Variants in KCNC4 observed in about 807,000 individuals in gnomAD.
KCNC4 encodes voltage-gated potassium channel KCNC4.
Under a neutral mutation model 42.8 loss-of-function variants are expected in KCNC4, and 23 were observed. The observed-to-expected ratio is 0.54, with a 90% confidence interval of 0.39 to 0.76. KCNC4 has a LOEUF of 0.76. Among genes scored for constraint, KCNC4 ranks in the 30% least tolerant of loss-of-function variants. The pLI is 0.00. For missense variants in KCNC4, 751 were observed against 898.2 expected (o/e 0.84, Z 2.10); for synonymous variants, 422 against 393.5 (o/e 1.07, Z -0.86).
chr1:110,225,734 C>T (rs1159334216), intron 2 of KCNC4: 2 of 512,358 alleles, frequency 3.9e-6, no homozygotes, highest in African/African-American at 3.8e-5. Context: ...TGCACTGTGG[C>T]TTCATCCCTG....
At chr1:110,259,859 G>A (rs1023946618) in intron 1 of KCNC4, among the ~76,000 whole-genome samples, 2 of 152,230 alleles carry the variant, frequency 1.3e-5, no homozygotes, top group African/African-American at 2.4e-5. Context: ...ACAATTTTAA[G>A]TGATGCCTAA....
At chr1:110,238,547 C>T (rs1313218393), downstream of KCNC4, 1 of 152,182 alleles carries the variant, frequency 6.6e-6, no homozygotes, top group Admixed American at 6.5e-5. Context: ...GCATCTCTGT[C>T]CCAGGTACTG....
intron 1 of KCNC4, among the ~76,000 whole-genome samples, chr1:110,218,062 G>A (rs1410230725): frequency 6.6e-6 from 1 of 151,812 alleles, no homozygotes; most frequent in Non-Finnish European, 1.5e-5. Context: ...TAGGTTTTTG[G>A]GCCTGAGTCT....
At chr1:110,212,431 C>T (rs149474745) in intron 1 of KCNC4, among the ~76,000 whole-genome samples, 265 of 152,310 alleles carry the variant, frequency 1.7e-3, no homozygotes, top group African/African-American at 6.0e-3. Context: ...GCCTGCTTTG[C>T]CGCATCCCCT....
chr1:110,221,834 G>A (rs1658110021), intron 1 of KCNC4: 1 of 152,282 alleles, frequency 6.6e-6, no homozygotes, highest in South Asian at 2.1e-4. Context: ...CAGGAGGCAT[G>A]AGACTGGACC....
chr1:110,275,758 A>T (rs1278982926), intron 1 of KCNC4, among the ~76,000 whole-genome samples: 2 of 152,162 alleles, frequency 1.3e-5, no homozygotes, highest in South Asian at 4.1e-4. Flanking sequence ...GGAGATCGAG[A>T]CCATTCTGGC....
At chr1:110,247,399 G>C (rs1396282241) in exon 4 of KCNC4, 2 of 152,440 alleles carry the variant, frequency 1.3e-5, no homozygotes. Flanking sequence ...TTGTAGAGAT[G>C]GGGTCTTGCC....
At chr1:110,214,191 C>A (rs1447750509) in intron 1 of KCNC4, among the ~76,000 whole-genome samples, 2 of 152,232 alleles carry the variant, frequency 1.3e-5, no homozygotes, top group Non-Finnish European at 2.9e-5. Context: ...CAGTTGAGGT[C>A]TTGAAGTTTA....
chr1:110,223,823 CT>C lies in KCNC4; in HGVS notation c.1540del (p.Ser514ProfsTer19). Reference protein sequence around the residue: ...ESPMYCKSEETSPRDSTCSDT... With the variant: ...ESPMYCKSEEXSPRDSTCSDT... ...CCCATGTACTGCAAGTCTGAGGAGA[CT>C]TCCCCCCGGGACAGCACCTGCAGTG... On this transcript the variant is annotated frameshift_variant, in exon 2 of 4. Transcript: ENST00000438661. LOFTEE classifies it high-confidence loss of function. This position sits in a 1 kb window ranked among gnomAD's most constrained non-coding sequence, Gnocchi z 7.5. 6.2e-7 allele frequency: 1 copy of C among 1,613,518 alleles called. No individual in the cohort carries two copies. The highest frequency in any genetic ancestry group is 8.5e-7 in the Non-Finnish European group (1 of 1,179,582).
At chr1:110,217,096 G>T (rs945630440) in intron 1 of KCNC4, among the ~76,000 whole-genome samples, 8 of 152,186 alleles carry the variant, frequency 5.3e-5, no homozygotes, top group African/African-American at 1.7e-4. Flanking sequence ...GTCAGAGGGG[G>T]CCATGCTCCT....
chr1:110,280,303 C>T (rs544968329), intron 1 of KCNC4, among the ~76,000 whole-genome samples: 19 of 152,194 alleles, frequency 1.2e-4, no homozygotes, highest in African/African-American at 4.6e-4. Flanking sequence ...TAAAGCCCTT[C>T]AAACAGAGAG....
downstream of KCNC4, among the ~76,000 whole-genome samples, chr1:110,252,866 G>A (rs569568361): frequency 6.6e-6 from 1 of 152,146 alleles, no homozygotes; most frequent in Non-Finnish European, 1.5e-5. Flanking sequence ...GGTATGTGTT[G>A]TTATCAACTT....
At chr1:110,267,712 G>T (rs1039723093) in intron 1 of KCNC4, among the ~76,000 whole-genome samples, 3 of 152,144 alleles carry the variant, frequency 2.0e-5, no homozygotes, top group African/African-American at 7.2e-5. Flanking sequence ...GACTGAAATC[G>T]CCTTTGCAGA....
chr1:110,254,947 A>G (rs1329697327), intron 1 of KCNC4, among the ~76,000 whole-genome samples: 1 of 152,162 alleles, frequency 6.6e-6, no homozygotes, highest in Non-Finnish European at 1.5e-5. Flanking sequence ...ACCACCTACT[A>G]TGTTCTGGAA....
intron 1 of KCNC4, among the ~76,000 whole-genome samples, chr1:110,280,779 G>C (rs1049444935): frequency 6.6e-6 from 1 of 152,156 alleles, no homozygotes; most frequent in African/African-American, 2.4e-5. Context: ...TTAATTGGGT[G>C]TCTTGTATTT....
intron 1 of KCNC4, among the ~76,000 whole-genome samples, chr1:110,213,237 C>T (rs866574046): frequency 8.0e-6 from 1 of 125,768 alleles, no homozygotes; most frequent in Non-Finnish European, 1.7e-5. Context: ...AGAAAGAAAA[C>T]TCTGGGGGCT....
intron 1 of KCNC4, among the ~76,000 whole-genome samples, chr1:110,265,150 A>T (rs954520947): frequency 1.3e-5 from 2 of 151,436 alleles, no homozygotes; most frequent in Admixed American, 1.3e-4. Context: ...TGCAATCAAA[A>T]CAGAATTTAT....
intron 1 of KCNC4, among the ~76,000 whole-genome samples, chr1:110,264,888 C>T (rs1298042972): frequency 6.6e-6 from 1 of 152,046 alleles, no homozygotes; most frequent in African/African-American, 2.4e-5. Flanking sequence ...TCGAAACCAG[C>T]CTGGTCAACA....
At position 110,211,260 on chromosome 1, in the gene KCNC4, G is replaced by C. The variant is rs1009833583; in HGVS notation, c.-240G>C. 4.3e-5 allele frequency: 24 copies of C among 558,792 alleles called. No individual in the cohort carries two copies. The highest frequency in any genetic ancestry group is 4.7e-4 in the Middle Eastern group (1 of 2,110). The allele number at this position is 558,792 out of a possible 1,614,324, so 34.6% of individuals were successfully genotyped here. ...ACTTCCCCGGGTCCTCCCTCTCTGC[G>C]CCTCCCTCTCTCCGGAGCTTCCTGC... On this transcript the variant is annotated 5_prime_UTR_variant, in exon 1 of 4. Coordinates refer to ENST00000438661, the MANE Select transcript of KCNC4 (RefSeq NM_001039574.3). The surrounding 1 kb of genome is among the most constrained non-coding windows in gnomAD (Gnocchi z 6.5).
Sources: allele counts gnomAD v4.1 joint callset (sites outside exome capture counted in the v4.1 genomes callset), GRCh38; gene constraint gnomAD v4.1.1; non-coding constraint Gnocchi (gnomAD v3.1); transcripts MANE v1.5; gene names NCBI Gene and HGNC (gene_info 2026-07-23, HGNC 2026-07-21).